The following CLEC2L variants were observed in gnomAD, a reference collection of about 807,000 sequenced individuals.
CLEC2L encodes the protein C-type lectin domain family 2, member L.
Under a neutral mutation model 23.6 loss-of-function variants are expected in CLEC2L, and 14 were observed. The ratio of observed to expected loss-of-function variants is 0.59; its 90% CI spans 0.39 to 0.93. CLEC2L has a LOEUF of 0.93. Among genes scored for constraint, CLEC2L ranks in the 40% least tolerant of loss-of-function variants. CLEC2L has a pLI of 0.00. For synonymous variants in CLEC2L, 114 were observed against 121.3 expected, an observed-to-expected ratio of 0.94 and a Z score of 0.40; for missense variants, 264 against 282.4, an observed-to-expected ratio of 0.93 and a Z score of 0.47.
At position 139,540,320 on chromosome 7, in the gene CLEC2L, G is replaced by T. The variant is rs1465713479; in HGVS notation, c.266-1G>T. ...GGGCCGAGCTGGTCTCTTCCCTGCA[G>T]CTTCCAAGGGCTGCATCAAGTGCGA... is the stretch of plus-strand genomic sequence containing the variant. On this transcript the variant is annotated splice_acceptor_variant, in intron 2 of 4. Coordinates refer to ENST00000422142, the MANE Select transcript of CLEC2L (RefSeq NM_001080511.4). LOFTEE classifies it high-confidence loss of function. The surrounding 1 kb of genome is among the most constrained non-coding windows in gnomAD (Gnocchi z 5.8). 2.5e-6 allele frequency: 4 copies of T among 1,606,304 alleles called. No individual in the cohort carries two copies. In the Admixed American group the frequency reaches 5.1e-5, roughly 20 times the overall value.
rs183487730 is a variant in CLEC2L, at chr7:139,532,329, C to T, written c.191-3945C>T. On this transcript the variant is annotated intron_variant, in intron 1 of 4. Coordinates refer to ENST00000422142, the MANE Select transcript of CLEC2L (RefSeq NM_001080511.4). ...GCAGTGGTTTTGCTCTACCCTTCCT[C>T]AGGCAGCCATTGGATGATGTGCTTC... Among the ~76,000 whole-genome samples the T allele has an allele frequency of 1.6e-3, 251 of 152,272 alleles. 1 individual carries two copies. Among genetic ancestry groups the T allele is most frequent in the African/African-American group, 5.8e-3 (239 of 41,552 alleles).
In CLEC2L at chr7:139,540,425, G is replaced by A; in HGVS notation, c.370G>A (p.Gly124Ser). ...FSEEPRDWNTGRQYCHTHEAV... is the reference protein window; with the variant it reads ...FSEEPRDWNTSRQYCHTHEAV... ...CGAGGAACCCAGAGACTGGAACACA[G>A]GCAGGCAGTACTGCCACACCCACGA... Residue 124 changes from glycine to serine, a missense_variant, in exon 3 of 5, where the codon GGC (glycine) becomes AGC (serine). Transcript: ENST00000422142. This position sits in a 1 kb window ranked among gnomAD's most constrained non-coding sequence, Gnocchi z 5.8. The A allele has an allele frequency of 6.2e-7, 1 of 1,606,570 alleles. No homozygotes were observed. Among genetic ancestry groups the A allele is most frequent in the Non-Finnish European group, 8.5e-7 (1 of 1,176,896 alleles).
At chr7:139,536,976 C>CAAAAA (rs1159255018) in intron 2 of CLEC2L, among the ~76,000 whole-genome samples, 8 of 37,244 alleles carry the variant, frequency 2.1e-4, no homozygotes, top group Admixed American at 8.3e-4. Flanking sequence ...GACTCCATCT[C>CAAAAA]AAAAAAAAAA....
chr7:139,529,232 G>A (rs1797545798), intron 1 of CLEC2L, among the ~76,000 whole-genome samples: 1 of 152,218 alleles, frequency 6.6e-6, no homozygotes, highest in Non-Finnish European at 1.5e-5. Flanking sequence ...GCCAGGCACT[G>A]TGCTAAGCAC....
chr7:139,529,842 G>A (rs1297840522), intron 1 of CLEC2L, among the ~76,000 whole-genome samples: 1 of 152,090 alleles, frequency 6.6e-6, no homozygotes, highest in Non-Finnish European at 1.5e-5. Context: ...CGAGGTGGGT[G>A]GATCACCTGA....
intron 1 of CLEC2L, among the ~76,000 whole-genome samples, chr7:139,535,983 T>C (rs1315692359): frequency 2.0e-5 from 3 of 152,230 alleles, no homozygotes; most frequent in Non-Finnish European, 2.9e-5. Flanking sequence ...AACTCCAGCC[T>C]GCATCAGAAT....
Position 139,536,217 on chromosome 7 carries a change from A to G in CLEC2L, c.191-57A>G, listed in dbSNP as rs142873042. On this transcript the variant is annotated intron_variant, in intron 1 of 4. Coordinates refer to ENST00000422142, the MANE Select transcript of CLEC2L (RefSeq NM_001080511.4). ...CTCATTAGCAGGGTATGGGGCTGGC[A>G]GTGGGACTGGCGGTGGGATGGGCGG... 3,862 of 1,342,390 alleles carry G rather than the reference A, an allele frequency of 2.9e-3. 99 individuals are homozygous for G. In the African/African-American group the frequency reaches 0.047, roughly 16 times the overall value. The allele number at this position is 1,342,390 out of a possible 1,614,324, so 83.2% of individuals were successfully genotyped here.
At chr7:139,528,702 G>C (rs1797538572) in intron 1 of CLEC2L, among the ~76,000 whole-genome samples, 1 of 152,172 alleles carries the variant, frequency 6.6e-6, no homozygotes, top group Non-Finnish European at 1.5e-5. Context: ...AACGACATAA[G>C]ACACACAAAG....
chr7:139,540,012 C>T lies in CLEC2L; in HGVS notation c.266-309C>T. On this transcript the variant is annotated intron_variant, in intron 2 of 4. Transcript: ENST00000422142. This position sits in a 1 kb window ranked among gnomAD's most constrained non-coding sequence, Gnocchi z 5.8. ...GCTGGAAGGAGAGGACACATAGCCG[C>T]CAGACCTCTTCCCAGTCTGAGTTTC... 2.7e-6 allele frequency: 1 copy of T among 366,698 alleles called. No homozygotes were observed. Among genetic ancestry groups the T allele is most frequent in the Non-Finnish European group, 5.1e-6 (1 of 195,864 alleles). 22.7% of individuals were successfully genotyped at this position (366,698 alleles called of 1,614,324 possible).
rs1357061241 is a variant in CLEC2L at position 139,539,805 on chromosome 7, AG to A, written c.266-511del. 3.1e-5 allele frequency: 5 copies of A among 160,368 alleles called. No homozygotes were observed. The highest frequency in any genetic ancestry group is 6.8e-5 in the Non-Finnish European group (5 of 73,058). The allele number at this position is 160,368 out of a possible 1,614,324, so 9.9% of individuals were successfully genotyped here. A position where few individuals can be genotyped will look rare whatever the true frequency, so the allele number is the denominator to read the frequency against. On this transcript the variant is annotated intron_variant, in intron 2 of 4. Transcript: ENST00000422142. The surrounding 1 kb of genome is among the most constrained non-coding windows in gnomAD (Gnocchi z 4.1). ...CCTTAGACCAGCAGGTCTAGGTCAC[AG>A]GGGGACAGGTTGGGACTCAACATTT...
At chr7:139,534,939 AAAAT>A (rs1336910097) in intron 1 of CLEC2L, among the ~76,000 whole-genome samples, 1 of 151,372 alleles carries the variant, frequency 6.6e-6, no homozygotes, top group Non-Finnish European at 1.5e-5. Context: ...AATTTTGGTA[AAAAT>A]AAATAAGTGT....
chr7:139,537,586 GT>G (rs1200519311), intron 2 of CLEC2L, among the ~76,000 whole-genome samples: 1 of 152,136 alleles, frequency 6.6e-6, no homozygotes, highest in East Asian at 1.9e-4. Context: ...TCCCTCCCTG[GT>G]TTAGGGTGGG....
chr7:139,526,015 C>T (rs1034119888), intron 1 of CLEC2L, among the ~76,000 whole-genome samples: 1 of 152,218 alleles, frequency 6.6e-6, no homozygotes, highest in Non-Finnish European at 1.5e-5. Context: ...CCTGCAGTCC[C>T]CTCCCCTTCC....
intron 1 of CLEC2L, among the ~76,000 whole-genome samples, chr7:139,524,384 C>T (rs988132748): frequency 6.6e-6 from 1 of 152,248 alleles, no homozygotes; most frequent in Non-Finnish European, 1.5e-5. Context: ...GCGGGCTTCA[C>T]GCTCTGAGCC....
Position 139,524,001 on chromosome 7 carries a change from C to A in CLEC2L, c.74C>A (p.Pro25His). Reference sequence around the variant, plus strand: ...CTCGCCGCGCGCCCCGCGCCCGCCCCCGCCGCCCCCAGGCCGCGTTCGCCC... The same window carrying A: ...CTCGCCGCGCGCCCCGCGCCCGCCCACGCCGCCCCCAGGCCGCGTTCGCCC... ...PPLAARPAPA[P>H]AAPRPRSPAE... The change falls in exon 1 of 5, where the codon CCC (proline) becomes CAC (histidine). Residue 25 changes from proline (P) to histidine (H), a missense_variant. Coordinates refer to ENST00000422142, the MANE Select transcript of CLEC2L (RefSeq NM_001080511.4). 9.3e-7 allele frequency: 1 copy of A among 1,073,110 alleles called. No individual in the cohort carries two copies. Among genetic ancestry groups the A allele is most frequent in the South Asian group, 4.4e-5 (1 of 22,822 alleles). 66.5% of individuals were successfully genotyped at this position (1,073,110 alleles called of 1,614,324 possible).
chr7:139,542,691 C>T (rs1461549920), intron 4 of CLEC2L, among the ~76,000 whole-genome samples: 3 of 152,136 alleles, frequency 2.0e-5, no homozygotes, highest in Non-Finnish European at 2.9e-5. Flanking sequence ...ATGGACGGAG[C>T]GCTGCTGAGG....
chr7:139,535,797 T>C (rs1417997474), intron 1 of CLEC2L, among the ~76,000 whole-genome samples: 2 of 152,032 alleles, frequency 1.3e-5, no homozygotes, highest in Non-Finnish European at 2.9e-5. Flanking sequence ...ACGGGTTATT[T>C]TGAGGAACCC....
Position 139,544,798 on chromosome 7 carries a change from C to G in CLEC2L, c.*456C>G, listed in dbSNP as rs912600675. On this transcript the variant is annotated 3_prime_UTR_variant, in exon 5 of 5. Coordinates refer to ENST00000422142, the MANE Select transcript of CLEC2L (RefSeq NM_001080511.4). ...CAGCCCCGCTTCCCCACTGGTTTCTCTCCTGGCTGCCGGCGGAGGTAGGCT... is the reference window on the plus strand; with the variant it reads ...CAGCCCCGCTTCCCCACTGGTTTCTGTCCTGGCTGCCGGCGGAGGTAGGCT... 6.5e-6 allele frequency: 1 copy of G among 153,358 alleles called. No homozygotes were observed. Among genetic ancestry groups the G allele is most frequent in the African/African-American group, 2.4e-5 (1 of 41,474 alleles). 9.5% of individuals were successfully genotyped at this position (153,358 alleles called of 1,614,324 possible). A position where few individuals can be genotyped will look rare whatever the true frequency, so the allele number is the denominator to read the frequency against.
intron 2 of CLEC2L, among the ~76,000 whole-genome samples, chr7:139,537,343 T>G (rs1164298129): frequency 6.6e-6 from 1 of 152,192 alleles, no homozygotes; most frequent in Non-Finnish European, 1.5e-5. Context: ...ATATTTATGT[T>G]CATGGGAGTT....
Sources: gnomAD v4.1 joint callset for allele counts (sites outside exome capture counted in the v4.1 genomes callset) on GRCh38, gnomAD v4.1.1 for gene constraint, Gnocchi (gnomAD v3.1) non-coding constraint, MANE v1.5 for transcripts, NCBI Gene and HGNC (gene_info 2026-07-23, HGNC 2026-07-21) for gene names.